MICU1: variants seen among roughly 807,000 people sequenced by gnomAD.
MICU1 encodes calcium uptake protein 1, mitochondrial.
A neutral mutation model predicts 56.8 loss-of-function variants in MICU1; 45 were observed. That is an observed-to-expected ratio of 0.79 (90% CI 0.62 to 1.02). The LOEUF is 1.02. Among genes scored for constraint, MICU1 ranks in the 50% least tolerant of loss-of-function variants. MICU1 has a pLI of 0.00. For missense variants in MICU1, 504 were observed against 587.1 expected, an observed-to-expected ratio of 0.86 and a Z score of 1.46; for synonymous variants, 186 against 195.1, an observed-to-expected ratio of 0.95 and a Z score of 0.39.
intron 4 of MICU1, among the ~76,000 whole-genome samples, chr10:72,542,663 G>T (rs1297811915): frequency 6.6e-6 from 1 of 152,214 alleles, no homozygotes; most frequent in Non-Finnish European, 1.5e-5. Context: ...ATCCACAGAT[G>T]GCTTAAGTGT....
At chr10:72,469,456 C>T (rs532416872) in intron 8 of MICU1, among the ~76,000 whole-genome samples, 1 of 152,106 alleles carries the variant, frequency 6.6e-6, no homozygotes, top group Non-Finnish European at 1.5e-5. Context: ...ATATTTCATA[C>T]TCAATGAAAG....
chr10:72,591,009 T>C (rs1328018864), intron 1 of MICU1, among the ~76,000 whole-genome samples: 2 of 152,064 alleles, frequency 1.3e-5, no homozygotes, highest in African/African-American at 4.8e-5. Flanking sequence ...TAAGTCTCAA[T>C]AGATTTTGAA....
chr10:72,592,163 T>C (rs1489489276), intron 1 of MICU1, among the ~76,000 whole-genome samples: 1 of 151,388 alleles, frequency 6.6e-6, no homozygotes, highest in Non-Finnish European at 1.5e-5. Flanking sequence ...GCACCTGCCA[T>C]CATGCCTGGC....
At chr10:72,387,666 T>C (rs768252377) in intron 10 of MICU1, among the ~76,000 whole-genome samples, 35 of 151,920 alleles carry the variant, frequency 2.3e-4, no homozygotes, top group Non-Finnish European at 1.2e-4. Context: ...TCCTCATTAA[T>C]GAGTATAAAC....
At chr10:72,481,987 A>G (rs1243919348) in intron 6 of MICU1, among the ~76,000 whole-genome samples, 1 of 152,220 alleles carries the variant, frequency 6.6e-6, no homozygotes, top group African/African-American at 2.4e-5. Context: ...ATTGACAATC[A>G]TGATAATAAT....
intron 6 of MICU1, among the ~76,000 whole-genome samples, chr10:72,498,529 T>G (rs761454545): frequency 1.9e-4 from 29 of 152,048 alleles, no homozygotes; most frequent in Non-Finnish European, 3.4e-4. Flanking sequence ...GAGGTTGCAG[T>G]GACTTGAGAT....
At chr10:72,572,919 T>C (rs992694060) in intron 1 of MICU1, among the ~76,000 whole-genome samples, 3 of 152,154 alleles carry the variant, frequency 2.0e-5, no homozygotes, top group Admixed American at 1.3e-4. Context: ...ATAATCTGCA[T>C]ATACTGGCCT....
intron 6 of MICU1, among the ~76,000 whole-genome samples, chr10:72,486,307 G>A (rs1247962059): frequency 6.6e-6 from 1 of 152,148 alleles, no homozygotes; most frequent in Non-Finnish European, 1.5e-5. Context: ...GAACAAATAT[G>A]TATCTTTAGG....
chr10:72,507,162 CA>C (rs796970471), intron 6 of MICU1, among the ~76,000 whole-genome samples: 459 of 125,774 alleles, frequency 3.6e-3, no homozygotes, highest in Non-Finnish European at 3.7e-3. Context: ...TGTCCCAGAC[CA>C]AAAAAAAAAA....
chr10:72,581,200 T>C (rs1204641700), intron 1 of MICU1, among the ~76,000 whole-genome samples: 1 of 152,250 alleles, frequency 6.6e-6, no homozygotes, highest in Non-Finnish European at 1.5e-5. Context: ...AATGCATTTA[T>C]TTCACTGATA....
At chr10:72,382,118 C>CTT (rs571239001) in intron 10 of MICU1, among the ~76,000 whole-genome samples, 4 of 144,028 alleles carry the variant, frequency 2.8e-5, no homozygotes, top group African/African-American at 7.6e-5. Context: ...GATCTGAATT[C>CTT]TTTTTTTTTT....
At chr10:72,445,791 C>A (rs1185510320) in intron 8 of MICU1, among the ~76,000 whole-genome samples, 1 of 152,170 alleles carries the variant, frequency 6.6e-6, no homozygotes, top group Non-Finnish European at 1.5e-5. Context: ...TCAGTTCCCT[C>A]ATCTATAAAA....
intron 5 of MICU1, among the ~76,000 whole-genome samples, chr10:72,513,087 T>C (rs990907580): frequency 1.3e-5 from 2 of 152,058 alleles, no homozygotes; most frequent in African/African-American, 4.8e-5. Flanking sequence ...CTGGGCTGCA[T>C]CCTTGATCTC....
chr10:72,464,530 A>G (rs1271103925), intron 8 of MICU1, among the ~76,000 whole-genome samples: 14 of 152,144 alleles, frequency 9.2e-5, no homozygotes, highest in Admixed American at 8.5e-4. Context: ...TAATTATTTC[A>G]GTACAGTAAC....
intron 10 of MICU1, among the ~76,000 whole-genome samples, chr10:72,382,817 G>C: frequency 6.6e-6 from 1 of 152,230 alleles, no homozygotes; most frequent in East Asian, 1.9e-4. Context: ...GCTGAGGCAA[G>C]GGAATCACTT....
At chr10:72,483,988 A>G (rs1866385292) in intron 6 of MICU1, among the ~76,000 whole-genome samples, 1 of 152,214 alleles carries the variant, frequency 6.6e-6, no homozygotes, top group African/African-American at 2.4e-5. Flanking sequence ...CACTGTTAAC[A>G]ATGTTTTGAT....
At chr10:72,457,061 C>T (rs764732876) in intron 8 of MICU1, among the ~76,000 whole-genome samples, 2 of 151,488 alleles carry the variant, frequency 1.3e-5, no homozygotes, top group South Asian at 4.2e-4. Flanking sequence ...TGGGCCCAAG[C>T]GATCCTTCTG....
intron 9 of MICU1, among the ~76,000 whole-genome samples, chr10:72,419,179 C>G (rs1234522860): frequency 6.6e-6 from 1 of 152,094 alleles, no homozygotes; most frequent in Non-Finnish European, 1.5e-5. Context: ...ATATCTGGAC[C>G]AACCTTTAAA....
chr10:72,370,156 G>A (rs969923714), intron 11 of MICU1, among the ~76,000 whole-genome samples: 7 of 152,170 alleles, frequency 4.6e-5, no homozygotes, highest in African/African-American at 9.7e-5. Context: ...GATTACAGGC[G>A]TGAGACACTG....
Sources: allele counts gnomAD v4.1 joint callset (sites outside exome capture counted in the v4.1 genomes callset), GRCh38; gene constraint gnomAD v4.1.1; transcripts MANE v1.5; gene names NCBI Gene and HGNC (gene_info 2026-07-23, HGNC 2026-07-21).